The following EPHA6 variants were observed in gnomAD, a reference collection of about 807,000 sequenced individuals.
The protein encoded by EPHA6 is ephrin type-A receptor 6.
A neutral mutation model predicts 112.0 loss-of-function variants in EPHA6; 50 were observed. The observed-to-expected ratio is 0.45, with a 90% CI of 0.36 to 0.56. The LOEUF (loss-of-function observed/expected upper bound fraction) is 0.56, where lower values mean the gene tolerates loss of function less well. EPHA6 is among the 20% of genes least tolerant of loss of function. EPHA6 has a pLI of 0.00. For missense variants in EPHA6, 1,280 were observed against 1,417.4 expected, an observed-to-expected ratio of 0.90 and a Z score of 1.56; for synonymous variants, 529 against 490.7, an observed-to-expected ratio of 1.08 and a Z score of -1.03.
chr3:97,121,589 G>A (rs2048042283), intron 3 of EPHA6, among the ~76,000 whole-genome samples: 1 of 152,118 alleles, frequency 6.6e-6, no homozygotes, highest in Middle Eastern at 3.4e-3. Flanking sequence ...CACTTGGCTG[G>A]GTGCCATTGT....
intron 13 of EPHA6, among the ~76,000 whole-genome samples, chr3:97,618,004 A>G (rs570363654): frequency 3.0e-4 from 46 of 152,072 alleles, no homozygotes; most frequent in Non-Finnish European, 5.9e-4. Context: ...CATGGCACTT[A>G]CTCTAAAATT....
intron 3 of EPHA6, among the ~76,000 whole-genome samples, chr3:97,092,879 C>A (rs1022761155): frequency 2.0e-5 from 3 of 151,978 alleles, no homozygotes; most frequent in Non-Finnish European, 4.4e-5. Flanking sequence ...CCAAATATAT[C>A]TATGGCTTAA....
chr3:97,370,499 G>C (rs991902237), intron 5 of EPHA6, among the ~76,000 whole-genome samples: 3 of 152,012 alleles, frequency 2.0e-5, no homozygotes, highest in Non-Finnish European at 2.9e-5. Context: ...TACACACCAT[G>C]TCAGGTCAAA....
chr3:97,036,694 A>G (rs997513495), intron 3 of EPHA6, among the ~76,000 whole-genome samples: 6 of 152,012 alleles, frequency 3.9e-5, no homozygotes, highest in African/African-American at 1.4e-4. Flanking sequence ...TTTCCCTTGA[A>G]CTAATCACTT....
intron 5 of EPHA6, among the ~76,000 whole-genome samples, chr3:97,360,184 C>A (rs1481380201): frequency 1.3e-5 from 2 of 152,234 alleles, no homozygotes; most frequent in African/African-American, 4.8e-5. Context: ...CAGCTGCCTG[C>A]CACAGAGCTG....
At chr3:97,726,921 T>G (rs1397583398) in intron 15 of EPHA6, among the ~76,000 whole-genome samples, 2 of 152,060 alleles carry the variant, frequency 1.3e-5, no homozygotes, top group East Asian at 3.9e-4. Flanking sequence ...GACACTTAAA[T>G]GAGAGGTGAC....
intron 2 of EPHA6, among the ~76,000 whole-genome samples, chr3:96,923,698 T>C (rs1377264264): frequency 1.3e-5 from 2 of 152,222 alleles, no homozygotes; most frequent in African/African-American, 4.8e-5. Flanking sequence ...ATGAAATATT[T>C]GCTTGAGCCT....
At chr3:97,172,219 A>G (rs1334958569) in intron 3 of EPHA6, among the ~76,000 whole-genome samples, 2 of 152,088 alleles carry the variant, frequency 1.3e-5, no homozygotes, top group Non-Finnish European at 2.9e-5. Context: ...GATGTGAAAT[A>G]TGTAGAAATA....
chr3:97,327,987 ATGTATATGTGTATGTATATGTATATGTG>A (rs1559887869), intron 5 of EPHA6, among the ~76,000 whole-genome samples: 3 of 140,564 alleles, frequency 2.1e-5, no homozygotes, highest in African/African-American at 5.8e-5. Context: ...GTGCATATAT[ATGTATATGTGTATGTATATGTATATGTG>A]TATATATGTA....
At chr3:96,817,401 AT>A (rs2032884432) in intron 1 of EPHA6, among the ~76,000 whole-genome samples, 1 of 151,904 alleles carries the variant, frequency 6.6e-6, no homozygotes, top group South Asian at 2.1e-4. Flanking sequence ...TAAAGCATCT[AT>A]TTTTAAACAT....
chr3:97,349,147 T>C (rs2083679090), intron 5 of EPHA6, among the ~76,000 whole-genome samples: 3 of 152,082 alleles, frequency 2.0e-5, no homozygotes, highest in Admixed American at 2.0e-4. Flanking sequence ...TTCCACACAT[T>C]ATTAAAATCT....
intron 5 of EPHA6, among the ~76,000 whole-genome samples, chr3:97,304,344 G>A (rs1041049012): frequency 6.6e-6 from 1 of 151,860 alleles, no homozygotes; most frequent in Non-Finnish European, 1.5e-5. Flanking sequence ...AAGGGGCAAT[G>A]CTATTCCCAT....
At chr3:97,464,620 G>A (rs1577483716) in intron 7 of EPHA6, among the ~76,000 whole-genome samples, 1 of 152,016 alleles carries the variant, frequency 6.6e-6, no homozygotes, top group South Asian at 2.1e-4. Flanking sequence ...TAGATTGAGA[G>A]TTCAGAGTCC....
chr3:97,319,278 C>A lies in EPHA6; in HGVS notation c.1606+74991C>A, dbSNP rs1194657126. 1.3e-5 allele frequency among the ~76,000 whole-genome samples: 2 copies of A among 151,400 alleles called. 1 individual carries two copies. Among genetic ancestry groups the A allele is most frequent in the African/African-American group, 4.9e-5 (2 of 41,088 alleles). On this transcript the variant is annotated intron_variant, in intron 5 of 17. Coordinates refer to ENST00000389672, the MANE Select transcript of EPHA6 (RefSeq NM_001080448.3). Reference sequence around the variant, plus strand: ...ATAATTCTAATTTTTAATATTTAATCATTTCAGTATTTTAGACCTTTTCAG... The same window carrying A: ...ATAATTCTAATTTTTAATATTTAATAATTTCAGTATTTTAGACCTTTTCAG...
At chr3:97,534,280 A>G (rs990324732) in intron 11 of EPHA6, among the ~76,000 whole-genome samples, 3 of 152,104 alleles carry the variant, frequency 2.0e-5, no homozygotes, top group African/African-American at 7.2e-5. Context: ...AGCACTTTAT[A>G]CGTATACGTT....
intron 14 of EPHA6, among the ~76,000 whole-genome samples, chr3:97,719,201 T>C (rs1218222896): frequency 1.3e-5 from 2 of 150,916 alleles, no homozygotes; most frequent in African/African-American, 4.9e-5. Flanking sequence ...AACACACTTT[T>C]CTTTCCACCC....
chr3:97,583,232 A>G (rs2093455715), intron 11 of EPHA6, among the ~76,000 whole-genome samples: 1 of 151,866 alleles, frequency 6.6e-6, no homozygotes, highest in African/African-American at 2.4e-5. Flanking sequence ...GAGGTGTAAA[A>G]TGGTTTTTTA....
Position 97,371,896 on chromosome 3 carries a change from A to C in EPHA6, c.1607-33254A>C, listed in dbSNP as rs62262767. ...AGTCCCGGTCTCCCATAGTGCTCCC[A>C]GGCTTATTAGGATGAGGAAATTCCC... On this transcript the variant is annotated intron_variant, in intron 5 of 17. Coordinates refer to ENST00000389672, the MANE Select transcript of EPHA6 (RefSeq NM_001080448.3). Among the ~76,000 whole-genome samples the C allele has an allele frequency of 7.3e-3, 1,117 of 152,220 alleles. 9 individuals are homozygous for C. The highest frequency in any genetic ancestry group is 0.041 in the Middle Eastern group (12 of 294).
chr3:97,687,603 A>G (rs2032349393), intron 14 of EPHA6, among the ~76,000 whole-genome samples: 3 of 151,938 alleles, frequency 2.0e-5, no homozygotes, highest in East Asian at 1.9e-4. Context: ...CATGAAGTAC[A>G]ACTTTCCACA....
Sources: gnomAD v4.1 joint callset for allele counts (sites outside exome capture counted in the v4.1 genomes callset) on GRCh38, gnomAD v4.1.1 for gene constraint, MANE v1.5 for transcripts, NCBI Gene and HGNC (gene_info 2026-07-23, HGNC 2026-07-21) for gene names.